ST6GALNAC3: variants seen among roughly 807,000 people sequenced by gnomAD.
ST6GALNAC3 encodes the protein alpha-N-acetylgalactosaminide alpha-2,6-sialyltransferase 3.
ST6GALNAC3 carries 25 observed loss-of-function variants against 32.7 expected under a neutral mutation model. That is an observed-to-expected ratio of 0.76 (90% CI 0.56 to 1.07). The LOEUF is 1.07. Ranked by LOEUF, ST6GALNAC3 falls within the 50% of genes least tolerant of loss-of-function variation. The pLI, the probability that ST6GALNAC3 is intolerant of heterozygous loss-of-function variation, is 0.00. For synonymous variants in ST6GALNAC3, 129 were observed against 133.1 expected (o/e 0.97, Z 0.21); for missense variants, 355 against 382.4 (o/e 0.93, Z 0.60).
chr1:76,529,675 G>A (rs754801432), intron 3 of ST6GALNAC3, among the ~76,000 whole-genome samples: 22 of 152,204 alleles, frequency 1.4e-4, no homozygotes, highest in Non-Finnish European at 2.1e-4. Flanking sequence ...ATCTTGTGGC[G>A]TTTTTAGTGC....
At chr1:76,232,799 G>A (rs559426954) in intron 1 of ST6GALNAC3, among the ~76,000 whole-genome samples, 3 of 152,310 alleles carry the variant, frequency 2.0e-5, no homozygotes, top group South Asian at 2.1e-4. Context: ...GCGTTAAAGC[G>A]GGGCCCCAGT....
At chr1:76,219,962 A>T (rs1273157324) in intron 1 of ST6GALNAC3, among the ~76,000 whole-genome samples, 2 of 152,118 alleles carry the variant, frequency 1.3e-5, no homozygotes, top group Admixed American at 1.3e-4. Flanking sequence ...GGTGGTTGTT[A>T]TAGAGAGGGT....
intron 3 of ST6GALNAC3, among the ~76,000 whole-genome samples, chr1:76,414,255 T>C (rs1237753573): frequency 6.6e-6 from 1 of 152,084 alleles, no homozygotes; most frequent in East Asian, 1.9e-4. Context: ...GTTACCAAAA[T>C]GAGAGTTAAA....
At chr1:76,230,105 GA>G (rs1232135223) in intron 1 of ST6GALNAC3, among the ~76,000 whole-genome samples, 2 of 152,186 alleles carry the variant, frequency 1.3e-5, no homozygotes, top group African/African-American at 4.8e-5. Context: ...GCTGATAATA[GA>G]ATGCAGTACA....
chr1:76,138,790 A>C (rs974682887), intron 1 of ST6GALNAC3, among the ~76,000 whole-genome samples: 3 of 152,346 alleles, frequency 2.0e-5, no homozygotes, highest in East Asian at 1.9e-4. Context: ...GACCCCTAGT[A>C]AACTCTCCAG....
chr1:76,101,203 C>G (rs1350681470), intron 1 of ST6GALNAC3, among the ~76,000 whole-genome samples: 1 of 152,160 alleles, frequency 6.6e-6, no homozygotes, highest in Non-Finnish European at 1.5e-5. Flanking sequence ...ACTGACCTTT[C>G]TTTCTGTCTC....
rs1557803922 is a variant in ST6GALNAC3 at position 76,341,673 on chromosome 1, CTTTCT to C, written c.213+27677_213+27681del. ...TCTTTCTTTCTTTCTTTCTTTCTTT[CTTTCT>C]TTCCTTCTTTCTTTCTTTCTTTCTT... On this transcript the variant is annotated intron_variant, in intron 2 of 4. Coordinates refer to ENST00000328299, the MANE Select transcript of ST6GALNAC3 (RefSeq NM_152996.4). 4.9e-3 allele frequency among the ~76,000 whole-genome samples: 706 copies of C among 142,738 alleles called. 4 individuals carry two copies. The highest frequency in any genetic ancestry group is 8.8e-3 in the African/African-American group (333 of 37,800). The allele number at this position is 142,738 out of a possible 152,430, so 93.6% of individuals were successfully genotyped here. A position where few individuals can be genotyped will look rare whatever the true frequency, so the allele number is the denominator to read the frequency against.
intron 1 of ST6GALNAC3, among the ~76,000 whole-genome samples, chr1:76,206,886 C>T (rs1300304792): frequency 1.3e-5 from 2 of 152,150 alleles, no homozygotes; most frequent in Admixed American, 6.5e-5. Flanking sequence ...CTTTGTACTA[C>T]AGAATTAGCA....
At chr1:76,488,911 C>T (rs1382131881) in intron 3 of ST6GALNAC3, among the ~76,000 whole-genome samples, 1 of 152,196 alleles carries the variant, frequency 6.6e-6, no homozygotes, top group African/African-American at 2.4e-5. Context: ...CCAGGGCAAG[C>T]TCCACTCATA....
At position 76,494,873 on chromosome 1, in the gene ST6GALNAC3, TG is replaced by T. The variant is rs1318139410; in HGVS notation, c.623+82458del. Among the ~76,000 whole-genome samples, 6 of 152,044 alleles carry T rather than the reference TG, an allele frequency of 3.9e-5. No individual in the cohort carries two copies. The East Asian group carries it at 9.7e-4, about 25-fold the overall frequency. On this transcript the variant is annotated intron_variant, in intron 3 of 4. Transcript: ENST00000328299. ...CAAGTAGGAAACCCCAAAGAGCCAA[TG>T]GTATAGTTCCCATTTGAAGGCTGGC...
intron 1 of ST6GALNAC3, among the ~76,000 whole-genome samples, chr1:76,300,739 G>A (rs1660679635): frequency 6.6e-6 from 1 of 152,042 alleles, no homozygotes; most frequent in African/African-American, 2.4e-5. Context: ...GATATGGTTT[G>A]CTGTGTATTT....
At chr1:76,090,416 G>T (rs289693) in intron 1 of ST6GALNAC3, among the ~76,000 whole-genome samples, 29,065 of 152,144 alleles carry the variant, frequency 0.19, 2,873 homozygotes, top group Admixed American at 0.2. Context: ...CAGACTAACT[G>T]GCCGGATGGC....
intron 3 of ST6GALNAC3, among the ~76,000 whole-genome samples, chr1:76,426,591 A>C (rs1464255335): frequency 6.6e-6 from 1 of 151,606 alleles, no homozygotes; most frequent in African/African-American, 2.4e-5. Context: ...AGGGAGAGAG[A>C]GAAAGAGAGA....
At chr1:76,286,829 C>A (rs143134385) in intron 1 of ST6GALNAC3, among the ~76,000 whole-genome samples, 2 of 152,328 alleles carry the variant, frequency 1.3e-5, no homozygotes, top group African/African-American at 4.8e-5. Context: ...AGCATGAGGA[C>A]CTTGTCATTT....
intron 3 of ST6GALNAC3, among the ~76,000 whole-genome samples, chr1:76,574,236 T>C (rs1478016979): frequency 6.6e-6 from 1 of 152,096 alleles, no homozygotes; most frequent in Non-Finnish European, 1.5e-5. Flanking sequence ...GGAATTTTTA[T>C]CTAAACTGTG....
chr1:76,268,511 C>T (rs1658661312), intron 1 of ST6GALNAC3, among the ~76,000 whole-genome samples: 1 of 152,158 alleles, frequency 6.6e-6, no homozygotes, highest in Admixed American at 6.5e-5. Flanking sequence ...CCACACAAAA[C>T]AAGTCGGTCA....
intron 3 of ST6GALNAC3, among the ~76,000 whole-genome samples, chr1:76,437,076 C>T (rs1320324495): frequency 6.6e-6 from 1 of 152,068 alleles, no homozygotes; most frequent in East Asian, 2.0e-4. Context: ...CCTGTGTTGA[C>T]AATAGTAAGC....
intron 1 of ST6GALNAC3, among the ~76,000 whole-genome samples, chr1:76,286,974 A>T (rs1340139519): frequency 6.6e-6 from 1 of 152,252 alleles, no homozygotes; most frequent in Non-Finnish European, 1.5e-5. Flanking sequence ...GAAATAATTT[A>T]CACCAAAAGG....
intron 1 of ST6GALNAC3, among the ~76,000 whole-genome samples, chr1:76,113,991 ATTTTTTT>A (rs754290749): frequency 2.5e-4 from 31 of 125,160 alleles, no homozygotes; most frequent in Middle Eastern, 4.2e-3. Context: ...CGCCCGGCTA[ATTTTTTT>A]TTTTTTTTTT....
Sources: gnomAD v4.1 joint callset for allele counts (sites outside exome capture counted in the v4.1 genomes callset) on GRCh38, gnomAD v4.1.1 for gene constraint, MANE v1.5 for transcripts, NCBI Gene and HGNC (gene_info 2026-07-23, HGNC 2026-07-21) for gene names.